The following ZNF410 variants were observed in gnomAD, a reference collection of about 807,000 sequenced individuals.
The protein encoded by ZNF410 is zinc finger protein 410, also known as another partner for ARF 1.
In ZNF410, 18 loss-of-function variants were observed where a neutral mutation model predicts 54.8. That is an observed-to-expected ratio of 0.33 (90% CI 0.23 to 0.49). The LOEUF is 0.49. ZNF410 is among the 20% of genes least tolerant of loss of function. ZNF410 has a pLI of 0.99. For missense variants in ZNF410, 405 were observed against 569.6 expected (o/e 0.71, Z 2.94); for synonymous variants, 191 against 207.3 (o/e 0.92, Z 0.68).
At chr14:73,929,784 T>A (rs1487506911) in intron 11 of ZNF410, among the ~76,000 whole-genome samples, 1 of 151,376 alleles carries the variant, frequency 6.6e-6, no homozygotes, top group Non-Finnish European at 1.5e-5. Context: ...GCCACTACAC[T>A]GCAGTCTGGG....
Position 73,932,327 on chromosome 14 carries a change from A to G in ZNF410, c.*786A>G. Reference sequence around the variant, plus strand: ...AAAATTTGTTTTCTTAGAGATTAAGAATTTAATCTTTCCCTTTAAAATAGT... The same window carrying G: ...AAAATTTGTTTTCTTAGAGATTAAGGATTTAATCTTTCCCTTTAAAATAGT... On this transcript the variant is annotated 3_prime_UTR_variant, in exon 12 of 12. Transcript: ENST00000555044. 2.9e-6 allele frequency: 1 copy of G among 350,618 alleles called. No homozygotes were observed. Among genetic ancestry groups the G allele is most frequent in the South Asian group, 2.2e-5 (1 of 44,950 alleles). 21.7% of individuals were successfully genotyped at this position (350,618 alleles called of 1,614,324 possible). A position where few individuals can be genotyped will look rare whatever the true frequency, so the allele number is the denominator to read the frequency against.
At chr14:73,921,669 G>T (rs12050413) in intron 9 of ZNF410, among the ~76,000 whole-genome samples, 12 of 151,976 alleles carry the variant, frequency 7.9e-5, no homozygotes, top group African/African-American at 1.9e-4. Flanking sequence ...TAGAGACGGG[G>T]TTTCACCATG....
At chr14:73,910,982 G>A (rs2055569182) in intron 8 of ZNF410, among the ~76,000 whole-genome samples, 2 of 151,990 alleles carry the variant, frequency 1.3e-5, no homozygotes, top group African/African-American at 4.8e-5. Flanking sequence ...AGTGCTAGAG[G>A]GGCTCTGTAG....
chr14:73,906,159 T>C (rs1963798), intron 7 of ZNF410, among the ~76,000 whole-genome samples: 126,024 of 151,594 alleles, frequency 0.83, 52,883 homozygotes, highest in East Asian at 0.94. Flanking sequence ...CCACCAGGCC[T>C]AGCTAATTTT....
At chr14:73,903,861 T>C (rs1336142376) in intron 5 of ZNF410, 99 bp from the exon 6 acceptor site, 2 of 1,449,672 alleles carry the variant, frequency 1.4e-6, no homozygotes, top group Admixed American at 2.1e-5. Context: ...GATACCTGAT[T>C]AATGATCACT....
chr14:73,931,479 A>T, intron 11 of ZNF410, 24 bp from the exon 12 acceptor site: 1 of 1,601,882 alleles, frequency 6.2e-7, no homozygotes, highest in Non-Finnish European at 8.5e-7. Flanking sequence ...AACCTATTCT[A>T]GATTTGCTTT....
chr14:73,931,677 C>A lies in ZNF410; in HGVS notation c.*136C>A. On this transcript the variant is annotated 3_prime_UTR_variant, in exon 12 of 12. Coordinates refer to ENST00000555044, the MANE Select transcript of ZNF410 (RefSeq NM_021188.3). ...AGACTCTGCTTTTGCCACTCTTCCT[C>A]TTTCCTGGTATAGAAGATGGATGTA... 2 of 751,300 alleles carry A rather than the reference C, an allele frequency of 2.7e-6. No individual in the cohort carries two copies. The highest frequency in any genetic ancestry group is 2.3e-6 in the Non-Finnish European group (1 of 442,288). 46.5% of individuals were successfully genotyped at this position (751,300 alleles called of 1,614,324 possible).
intron 11 of ZNF410, among the ~76,000 whole-genome samples, chr14:73,927,507 C>T (rs2055851157): frequency 6.6e-6 from 1 of 152,144 alleles, no homozygotes; most frequent in Non-Finnish European, 1.5e-5. Context: ...GCAAGCCAAC[C>T]CACAGCACCT....
intron 11 of ZNF410, among the ~76,000 whole-genome samples, chr14:73,926,591 A>T (rs1311722010): frequency 6.6e-6 from 1 of 151,892 alleles, no homozygotes; most frequent in Non-Finnish European, 1.5e-5. Flanking sequence ...CCTGCCACCA[A>T]GCCCCACTAA....
At chr14:73,907,102 G>A (rs1054995762) in intron 7 of ZNF410, among the ~76,000 whole-genome samples, 31 of 152,100 alleles carry the variant, frequency 2.0e-4, no homozygotes, top group African/African-American at 6.8e-4. Context: ...ATTAGATACT[G>A]TACTTATTGA....
chr14:73,912,934 C>T (rs1278888743), intron 8 of ZNF410: 9 of 151,578 alleles, frequency 5.9e-5, no homozygotes, highest in Non-Finnish European at 1.2e-4. Context: ...AGGTTTGTTA[C>T]CTAGGTAAAG....
Position 73,923,541 on chromosome 14 carries a change from C to T in ZNF410, c.1398+19C>T, listed in dbSNP as rs2055785810. On this transcript the variant is annotated intron_variant, in intron 11 of 11. Transcript: ENST00000555044. ...ACAAGAGGTAAAGTGGTCTCTTGCC[C>T]TTTGTTTCTGTGACAATTCATGTGG... 1 of 1,604,612 alleles carries T rather than the reference C, an allele frequency of 6.2e-7. No homozygotes were observed. The highest frequency in any genetic ancestry group is 8.5e-7 in the Non-Finnish European group (1 of 1,175,526).
At chr14:73,891,821 G>A (rs1207214946) in intron 1 of ZNF410, 2 of 570,458 alleles carry the variant, frequency 3.5e-6, no homozygotes, top group Admixed American at 3.5e-5. Context: ...GATTATTAGA[G>A]GTTGAAATAC....
intron 7 of ZNF410, among the ~76,000 whole-genome samples, chr14:73,908,634 G>A (rs1594755698): frequency 6.6e-6 from 1 of 152,032 alleles, no homozygotes; most frequent in South Asian, 2.1e-4. Flanking sequence ...AACTTTCCCC[G>A]GGCACTCTGT....
intron 10 of ZNF410, 66 bp downstream of exon 10, chr14:73,922,272 G>T (rs2055767918): frequency 9.9e-6 from 15 of 1,513,174 alleles, no homozygotes; most frequent in Non-Finnish European, 1.4e-5. Flanking sequence ...GGAATGGGGT[G>T]TCTCCACAAT....
In ZNF410 at chr14:73,894,246, G is replaced by T. The variant is rs1368015877; in HGVS notation, c.169+314G>T. 5 of 678,758 alleles carry T rather than the reference G, an allele frequency of 7.4e-6. No homozygotes were observed. In the Admixed American group the frequency reaches 8.8e-5, roughly 12 times the overall value. The allele number at this position is 678,758 out of a possible 1,614,324, so 42.0% of individuals were successfully genotyped here. A position where few individuals can be genotyped will look rare whatever the true frequency, so the allele number is the denominator to read the frequency against. On this transcript the variant is annotated intron_variant, in intron 3 of 11. Coordinates refer to ENST00000555044, the MANE Select transcript of ZNF410 (RefSeq NM_021188.3). The stretch of plus-strand genomic sequence containing the variant: ...GAAGAAACAAAGACTAAAATAGTTG[G>T]ATGAACATCAGCAGAGTGGAGGCAT...
chr14:73,928,612 C>T (rs2055868274), intron 11 of ZNF410, among the ~76,000 whole-genome samples: 1 of 152,130 alleles, frequency 6.6e-6, no homozygotes, highest in Non-Finnish European at 1.5e-5. Context: ...GTGCTGCCCA[C>T]TTACAGCCTC....
rs116354717 is a variant in ZNF410, at chr14:73,908,970, A to G, written c.914-371A>G. ...AATTATACTTTTAGATGGATCTACA[A>G]ACTGAGTCATAAAGAAAATTGATGT... On this transcript the variant is annotated intron_variant, in intron 7 of 11. Coordinates refer to ENST00000555044, the MANE Select transcript of ZNF410 (RefSeq NM_021188.3). Among the ~76,000 whole-genome samples, 661 of 152,266 alleles carry G rather than the reference A, an allele frequency of 4.3e-3. 5 individuals are homozygous for G. The highest frequency in any genetic ancestry group is 0.015 in the African/African-American group (638 of 41,536).
At chr14:73,893,768 T>A (rs777181035) in intron 2 of ZNF410, 29 bp from the exon 3 acceptor site, 1 of 1,582,000 alleles carries the variant, frequency 6.3e-7, no homozygotes, top group South Asian at 1.2e-5. Context: ...ACAACTCGTA[T>A]TTCTCAGTGT....
Sources: gnomAD v4.1 joint callset for allele counts (sites outside exome capture counted in the v4.1 genomes callset) on GRCh38, gnomAD v4.1.1 for gene constraint, MANE v1.5 for transcripts, NCBI Gene and HGNC (gene_info 2026-07-23, HGNC 2026-07-21) for gene names.